CABLES1: variants seen among roughly 807,000 people sequenced by gnomAD.
CABLES1 encodes the protein Cdk5 and Abl enzyme substrate 1.
Under a neutral mutation model 57.8 loss-of-function variants are expected in CABLES1, and 36 were observed. The observed-to-expected ratio is 0.62, with a 90% CI of 0.48 to 0.82. The LOEUF is 0.82. Ranked by LOEUF, CABLES1 falls within the 40% of genes least tolerant of loss-of-function variation. CABLES1 has a pLI of 0.00. For missense variants in CABLES1, 767 were observed against 836.6 expected (o/e 0.92, Z 1.03); for synonymous variants, 374 against 363.0 (o/e 1.03, Z -0.35).
intron 1 of CABLES1, among the ~76,000 whole-genome samples, chr18:23,172,583 A>G (rs941281517): frequency 5.3e-5 from 8 of 152,192 alleles, no homozygotes; most frequent in Non-Finnish European, 1.2e-4. Flanking sequence ...TACCCTCCCT[A>G]GTTGTTAAGA....
At chr18:23,240,532 A>G (rs2047709195) in intron 7 of CABLES1, among the ~76,000 whole-genome samples, 1 of 152,196 alleles carries the variant, frequency 6.6e-6, no homozygotes, top group Non-Finnish European at 1.5e-5. Context: ...CCTGGGGCAC[A>G]TTTGGCCACT....
intron 4 of CABLES1, among the ~76,000 whole-genome samples, chr18:23,227,569 C>A (rs959484845): frequency 7.9e-5 from 12 of 152,314 alleles, no homozygotes; most frequent in Admixed American, 3.3e-4. Flanking sequence ...TGTCCATCAA[C>A]TGTGGACCCT....
In CABLES1 at chr18:23,148,059, G is replaced by T. The variant is rs191648507; in HGVS notation, c.845+11452G>T. ...GGCTGGAGTGCAGCGGCGTGATCTC[G>T]GCTTACTGCAGGCTCCGCCTCCTGG... On this transcript the variant is annotated intron_variant, in intron 1 of 9. Transcript: ENST00000256925. 4.4e-5 allele frequency among the ~76,000 whole-genome samples: 6 copies of T among 136,460 alleles called. No individual in the cohort carries two copies. In the South Asian group the frequency reaches 1.4e-3, roughly 31 times the overall value. The allele number at this position is 136,460 out of a possible 152,430, so 89.5% of individuals were successfully genotyped here.
Position 23,136,002 on chromosome 18 carries a change from G to A in CABLES1, c.240G>A (p.Pro80=), listed in dbSNP as rs776875089. Residue 80 remains proline (P), a synonymous_variant, in exon 1 of 10, where the codon CCG becomes CCA. Coordinates refer to ENST00000256925, the MANE Select transcript of CABLES1 (RefSeq NM_001100619.3). ...TNISLDGRLP[P]QDAEWGGGEE... ...TCTCGCTGGACGGCCGGCTGCCGCC[G>A]CAGGACGCGGAGTGGGGCGGTGGCG... 3.9e-5 allele frequency: 45 copies of A among 1,139,966 alleles called. 1 individual carries two copies. The South Asian group carries it at 1.7e-3, about 42-fold the overall frequency. The allele number at this position is 1,139,966 out of a possible 1,614,324, so 70.6% of individuals were successfully genotyped here. A position where few individuals can be genotyped will look rare whatever the true frequency, so the allele number is the denominator to read the frequency against.
chr18:23,177,577 CCTGT>C (rs1323470195), intron 1 of CABLES1, among the ~76,000 whole-genome samples: 3 of 152,166 alleles, frequency 2.0e-5, no homozygotes, highest in African/African-American at 7.2e-5. Flanking sequence ...TGATTGCGAG[CCTGT>C]CTGTCTCCTG....
chr18:23,188,981 A>G (rs2047222552), intron 2 of CABLES1, 72 bp downstream of exon 2: 1 of 1,007,458 alleles, frequency 9.9e-7, no homozygotes, highest in African/African-American at 1.6e-5. Flanking sequence ...TTGGTTTTTT[A>G]ACTTCTTGAT....
At position 23,237,251 on chromosome 18, in the gene CABLES1, T is replaced by C. The variant is rs2047626447; in HGVS notation, c.1446+6T>C. On this transcript the variant is annotated splice_donor_region_variant and intron_variant, in intron 7 of 9. Coordinates refer to ENST00000256925, the MANE Select transcript of CABLES1 (RefSeq NM_001100619.3). ...TGATCTTCCCTTCCTACATGGTGAG[T>C]AGCGTGGAATGGAGGCTCCGTTTGC... 6.3e-7 allele frequency: 1 copy of C among 1,576,522 alleles called. No individual in the cohort carries two copies. The highest frequency in any genetic ancestry group is 1.3e-5 in the African/African-American group (1 of 74,088).
At chr18:23,170,646 G>T (rs774649701) in intron 1 of CABLES1, among the ~76,000 whole-genome samples, 2 of 152,182 alleles carry the variant, frequency 1.3e-5, no homozygotes, top group African/African-American at 4.8e-5. Context: ...TTTCATAGTC[G>T]CAGTTCAGCC....
At chr18:23,189,153 C>T (rs753468716) in intron 2 of CABLES1, 19 of 440,938 alleles carry the variant, frequency 4.3e-5, no homozygotes, top group Non-Finnish European at 6.1e-5. Context: ...CTTTTCTTTC[C>T]GTGGCGCCTC....
intron 7 of CABLES1, among the ~76,000 whole-genome samples, chr18:23,251,255 G>A (rs557928995): frequency 6.6e-6 from 1 of 152,216 alleles, no homozygotes; most frequent in South Asian, 2.1e-4. Flanking sequence ...GAGTTCAAGA[G>A]GAGCCCAGCC....
rs149732627 is a variant in CABLES1, at chr18:23,230,103, G to A, written c.1089-4505G>A. On this transcript the variant is annotated intron_variant, in intron 4 of 9. Coordinates refer to ENST00000256925, the MANE Select transcript of CABLES1 (RefSeq NM_001100619.3). ...AAAGCTATGAGAAGGGCCAGGCGCG[G>A]TGGCTCACACCTGTAATCCCAGCAC... Among the ~76,000 whole-genome samples, 757 of 152,332 alleles carry A rather than the reference G, an allele frequency of 5.0e-3. 9 individuals are homozygous for A. The highest frequency in any genetic ancestry group is 0.017 in the African/African-American group (710 of 41,572).
intron 1 of CABLES1, among the ~76,000 whole-genome samples, chr18:23,188,542 T>TG (rs1324516168): frequency 6.6e-6 from 1 of 150,996 alleles, no homozygotes; most frequent in African/African-American, 2.4e-5. Context: ...GCACCTTGTC[T>TG]TTGTGTGTGT....
At chr18:23,222,705 T>C (rs2145065664) in intron 4 of CABLES1, among the ~76,000 whole-genome samples, 1 of 152,256 alleles carries the variant, frequency 6.6e-6, no homozygotes, top group Non-Finnish European at 1.5e-5. Flanking sequence ...TCAGGGTCCC[T>C]CAGCCTGGCA....
intron 3 of CABLES1, among the ~76,000 whole-genome samples, chr18:23,212,550 A>G (rs1055376140): frequency 5.3e-5 from 8 of 152,188 alleles, no homozygotes; most frequent in African/African-American, 1.7e-4. Context: ...GGATGCCTGC[A>G]GCCCTGCCCT....
At position 23,187,138 on chromosome 18, in the gene CABLES1, G is replaced by T. The variant is rs1183738879; in HGVS notation, c.846-1700G>T. The stretch of plus-strand genomic sequence containing the variant: ...TTCCCCACCTCCTCAGCTCGCCTCT[G>T]CACTGCTCTCAGGTAAGACTGGTGC... On this transcript the variant is annotated intron_variant, in intron 1 of 9. Coordinates refer to ENST00000256925, the MANE Select transcript of CABLES1 (RefSeq NM_001100619.3). 2.6e-5 allele frequency among the ~76,000 whole-genome samples: 4 copies of T among 152,326 alleles called. No homozygotes were observed. The East Asian group carries it at 7.7e-4, about 29-fold the overall frequency.
chr18:23,169,978 C>T (rs993925020), intron 1 of CABLES1, among the ~76,000 whole-genome samples: 12 of 152,082 alleles, frequency 7.9e-5, no homozygotes, highest in African/African-American at 2.7e-4. Flanking sequence ...GCTGTAGCCG[C>T]GTGGGAGGGG....
At chr18:23,238,084 G>A (rs1009389429) in intron 7 of CABLES1, among the ~76,000 whole-genome samples, 6 of 152,248 alleles carry the variant, frequency 3.9e-5, no homozygotes, top group Non-Finnish European at 7.3e-5. Context: ...CGGCACAGCC[G>A]AGCGCTTCCT....
At chr18:23,219,200 A>G (rs1218322550) in intron 4 of CABLES1, 1 of 454,098 alleles carries the variant, frequency 2.2e-6, no homozygotes, top group Admixed American at 2.3e-5. Flanking sequence ...GGTGAAAGAG[A>G]AAATGTCTCT....
intron 4 of CABLES1, among the ~76,000 whole-genome samples, chr18:23,229,140 C>T (rs967964156): frequency 5.3e-5 from 8 of 152,178 alleles, no homozygotes; most frequent in African/African-American, 1.4e-4. Flanking sequence ...GGGCCAGGCA[C>T]GGTGGCTCAC....
Sources: allele counts gnomAD v4.1 joint callset (sites outside exome capture counted in the v4.1 genomes callset), GRCh38; gene constraint gnomAD v4.1.1; transcripts MANE v1.5; gene names NCBI Gene and HGNC (gene_info 2026-07-23, HGNC 2026-07-21).